Variants in PAM observed in about 807,000 individuals in gnomAD.
The protein encoded by PAM is peptidyl-glycine alpha-amidating monooxygenase.
Under a neutral mutation model 122.1 loss-of-function variants are expected in PAM, and 72 were observed. The ratio of observed to expected loss-of-function variants is 0.59; its 90% CI spans 0.49 to 0.72. The LOEUF (loss-of-function observed/expected upper bound fraction) is 0.72, where lower values mean the gene tolerates loss of function less well. Ranked by LOEUF, PAM falls within the 30% of genes least tolerant of loss-of-function variation. The pLI, the probability that PAM is intolerant of heterozygous loss-of-function variation, is 0.00. For missense variants in PAM, 1,106 were observed against 1,183.7 expected, an observed-to-expected ratio of 0.93 and a Z score of 0.96; for synonymous variants, 389 against 404.4, an observed-to-expected ratio of 0.96 and a Z score of 0.46.
intron 3 of PAM, among the ~76,000 whole-genome samples, chr5:102,868,564 A>C (rs2150975735): frequency 6.6e-6 from 1 of 152,302 alleles, no homozygotes; most frequent in East Asian, 1.9e-4. Context: ...TAACCGCAAA[A>C]AGTGTAATGA....
At position 102,953,902 on chromosome 5, in the gene PAM, A is replaced by G. The variant is rs539936743; in HGVS notation, c.905+3082A>G. 3.3e-5 allele frequency among the ~76,000 whole-genome samples: 5 copies of G among 152,264 alleles called. No individual in the cohort carries two copies. The South Asian group carries it at 1.0e-3, about 32-fold the overall frequency. ...ATGGCGGATGCCCATAATCCCAGCT[A>G]CTTGGGAGGCTGAGGCTGGAGAATC... On this transcript the variant is annotated intron_variant, in intron 12 of 25. Coordinates refer to ENST00000438793, the MANE Select transcript of PAM (RefSeq NM_001177306.2).
At chr5:102,971,893 A>G (rs1370630267) in intron 14 of PAM, among the ~76,000 whole-genome samples, 4 of 152,202 alleles carry the variant, frequency 2.6e-5, no homozygotes, top group Non-Finnish European at 4.4e-5. Context: ...AGAGATAGCC[A>G]TCTAGTGGTC....
At chr5:102,761,417 C>G (rs991594235) in intron 1 of PAM, among the ~76,000 whole-genome samples, 1 of 152,128 alleles carries the variant, frequency 6.6e-6, no homozygotes, top group Admixed American at 6.5e-5. Flanking sequence ...TAACAAAGGA[C>G]GGTTTTTACC....
intron 16 of PAM, among the ~76,000 whole-genome samples, chr5:103,002,188 T>C (rs942514781): frequency 2.6e-5 from 4 of 152,052 alleles, no homozygotes; most frequent in Non-Finnish European, 5.9e-5. Context: ...ACATATAACT[T>C]CCCAAACAGA....
chr5:102,988,695 GAA>G (rs1187966971), intron 15 of PAM, among the ~76,000 whole-genome samples: 1 of 104,842 alleles, frequency 9.5e-6, no homozygotes, highest in East Asian at 4.0e-4. Flanking sequence ...AAGAAGGAAA[GAA>G]AGAGAAAGAG....
chr5:102,962,493 T>A (rs945188237), intron 14 of PAM, among the ~76,000 whole-genome samples: 1 of 151,838 alleles, frequency 6.6e-6, no homozygotes, highest in Non-Finnish European at 1.5e-5. Context: ...TTTAAAATAA[T>A]TTTGTCTTAG....
At chr5:103,001,211 T>G (rs1052731755) in intron 16 of PAM, among the ~76,000 whole-genome samples, 1 of 152,180 alleles carries the variant, frequency 6.6e-6, no homozygotes, top group Non-Finnish European at 1.5e-5. Flanking sequence ...TTCAGAGGAA[T>G]AGTTATGATG....
chr5:102,781,139 C>T (rs1038970242), intron 1 of PAM, among the ~76,000 whole-genome samples: 4 of 152,080 alleles, frequency 2.6e-5, no homozygotes, highest in Admixed American at 6.6e-5. Flanking sequence ...ACATTGCATA[C>T]AATACTTGTA....
rs747438002 is a variant in PAM, at chr5:102,901,250, C to T, written c.211-106C>T. The stretch of plus-strand genomic sequence containing the variant: ...ACTCAGCCCTCAGAAGGAAAACTAC[C>T]CTCACTGACTACTTTTTACAGTCAT... On this transcript the variant is annotated intron_variant, in intron 3 of 25. Coordinates refer to ENST00000438793, the MANE Select transcript of PAM (RefSeq NM_001177306.2). 17 of 653,476 alleles carry T rather than the reference C, an allele frequency of 2.6e-5. No homozygotes were observed. The Admixed American group carries it at 2.7e-4, about 10-fold the overall frequency. 40.5% of individuals were successfully genotyped at this position (653,476 alleles called of 1,614,324 possible).
intron 1 of PAM, among the ~76,000 whole-genome samples, chr5:102,850,711 G>A (rs577090481): frequency 1.3e-5 from 2 of 152,324 alleles, no homozygotes; most frequent in South Asian, 4.1e-4. Context: ...CCCACCAAGC[G>A]CGGGTAGTCG....
intron 7 of PAM, among the ~76,000 whole-genome samples, chr5:102,946,000 A>G (rs930141392): frequency 6.6e-6 from 1 of 152,188 alleles, no homozygotes; most frequent in Non-Finnish European, 1.5e-5. Flanking sequence ...GCACACTGCA[A>G]ATCATCAGGG....
chr5:102,872,363 G>T (rs1336917393), intron 3 of PAM, among the ~76,000 whole-genome samples: 1 of 152,172 alleles, frequency 6.6e-6, no homozygotes, highest in Non-Finnish European at 1.5e-5. Context: ...ATTGATGAAA[G>T]AATGTTGTCG....
Position 102,756,639 on chromosome 5 carries a change from A to G in PAM, c.-374+1291A>G, listed in dbSNP as rs141334772. ...GGCACAAAAAAGCATAGTTCATGCCATTCTAGTTACTTTATAAAGCAAGTA... is the reference window on the plus strand; with the variant it reads ...GGCACAAAAAAGCATAGTTCATGCCGTTCTAGTTACTTTATAAAGCAAGTA... On this transcript the variant is annotated intron_variant, in intron 1 of 25. Transcript: ENST00000438793. Among the ~76,000 whole-genome samples the G allele has an allele frequency of 4.0e-3, 602 of 152,290 alleles. 7 individuals are homozygous for G. The highest frequency in any genetic ancestry group is 0.014 in the African/African-American group (571 of 41,560).
intron 4 of PAM, among the ~76,000 whole-genome samples, chr5:102,911,713 C>A (rs1801464837): frequency 6.6e-6 from 1 of 151,926 alleles, no homozygotes; most frequent in Non-Finnish European, 1.5e-5. Context: ...TCTTCCTTGC[C>A]CTTACCTGAA....
intron 21 of PAM, among the ~76,000 whole-genome samples, chr5:103,014,944 C>T (rs1468171736): frequency 6.6e-6 from 1 of 152,058 alleles, no homozygotes; most frequent in Non-Finnish European, 1.5e-5. Context: ...TTCTGTGTGG[C>T]AGCTCATATG....
chr5:102,993,434 A>G (rs1416751558), intron 16 of PAM, among the ~76,000 whole-genome samples: 1 of 152,122 alleles, frequency 6.6e-6, no homozygotes, highest in African/African-American at 2.4e-5. Flanking sequence ...TGTACTATGC[A>G]GAACTCACAT....
Position 103,025,294 on chromosome 5 carries a change from T to C in PAM, c.2649T>C (p.Ile883=). 1 of 1,613,670 alleles carries C rather than the reference T, an allele frequency of 6.2e-7. No homozygotes were observed. The highest frequency in any genetic ancestry group is 8.5e-7 in the Non-Finnish European group (1 of 1,179,718). The change falls in exon 24 of 26, where the codon ATT becomes ATC. Residue 883 remains isoleucine, a synonymous_variant. Transcript: ENST00000438793. ...TTCCGGTGGTTGTCCTGCTGGCCAT[T>C]GCCATATTTATTCGGTGGAAAAAAT... is the stretch of plus-strand genomic sequence containing the variant. ...LVIPVVVLLA[I]AIFIRWKKSR...
At chr5:103,001,050 GAGAT>G (rs1450135132) in intron 16 of PAM, among the ~76,000 whole-genome samples, 1 of 152,112 alleles carries the variant, frequency 6.6e-6, no homozygotes, top group Non-Finnish European at 1.5e-5. Context: ...ACCTTAAAAA[GAGAT>G]AGTGAATGAA....
intron 23 of PAM, among the ~76,000 whole-genome samples, chr5:103,024,312 T>A (rs1784378516): frequency 6.6e-6 from 1 of 152,164 alleles, no homozygotes; most frequent in Non-Finnish European, 1.5e-5. Flanking sequence ...CTTATATAGT[T>A]TCATTGCATC....
Sources: gnomAD v4.1 joint callset for allele counts (sites outside exome capture counted in the v4.1 genomes callset) on GRCh38, gnomAD v4.1.1 for gene constraint, MANE v1.5 for transcripts, NCBI Gene and HGNC (gene_info 2026-07-23, HGNC 2026-07-21) for gene names.